The following HSD17B2 variants were observed in gnomAD, a reference collection of about 807,000 sequenced individuals.
The protein encoded by HSD17B2 is 17-beta-hydroxysteroid dehydrogenase type 2.
In HSD17B2, 32 loss-of-function variants were observed where a neutral mutation model predicts 26.9. The ratio of observed to expected loss-of-function variants is 1.19; its 90% CI spans 0.90 to 1.60. The LOEUF is 1.60. HSD17B2 is among the 40% of genes most tolerant of loss of function. HSD17B2 has a pLI of 0.00. For missense variants in HSD17B2, 613 were observed against 468.6 expected, an observed-to-expected ratio of 1.31 and a Z score of -2.85; for synonymous variants, 246 against 186.7, an observed-to-expected ratio of 1.32 and a Z score of -2.59.
At chr16:82,048,881 C>G (rs1914020406) in intron 1 of HSD17B2, among the ~76,000 whole-genome samples, 2 of 152,138 alleles carry the variant, frequency 1.3e-5, no homozygotes, top group African/African-American at 4.8e-5. Flanking sequence ...AATGAGCATG[C>G]CAAATGCTTA....
intron 3 of HSD17B2, among the ~76,000 whole-genome samples, chr16:82,080,570 A>G (rs547955594): frequency 2.6e-5 from 4 of 152,326 alleles, no homozygotes; most frequent in East Asian, 1.9e-4. Context: ...ATTTTATCAT[A>G]AGATAATAAA....
intron 3 of HSD17B2, among the ~76,000 whole-genome samples, chr16:82,079,078 C>A (rs1904322120): frequency 1.3e-5 from 2 of 152,280 alleles, no homozygotes; most frequent in South Asian, 4.1e-4. Flanking sequence ...GATGGAGACT[C>A]CATTTGCCCT....
Position 82,035,450 on chromosome 16 carries a change from C to G in HSD17B2, c.26C>G (p.Ala9Gly). Residue 9 changes from alanine (A) to glycine (G), a missense_variant, in exon 1 of 5, where the codon GCA (alanine) becomes GGA (glycine). Transcript: ENST00000199936. MSTFFSDT[A>G]WICLAVPTVL... ...ATGAGCACTTTCTTCTCGGACACAG[C>G]ATGGATCTGCCTGGCTGTCCCCACA... 1 of 1,613,398 alleles carries G rather than the reference C, an allele frequency of 6.2e-7. No homozygotes were observed. Among genetic ancestry groups the G allele is most frequent in the Non-Finnish European group, 8.5e-7 (1 of 1,179,730 alleles).
chr16:82,090,327 T>TTTTTTC (rs1904652546), intron 3 of HSD17B2: 1 of 345,568 alleles, frequency 2.9e-6, no homozygotes, highest in African/African-American at 2.6e-5. Context: ...TTTTTTTTTT[T>TTTTTTC]TTTTTTTTTG....
At chr16:82,047,635 G>A (rs7200711) in intron 1 of HSD17B2, among the ~76,000 whole-genome samples, 22,376 of 152,116 alleles carry the variant, frequency 0.15, 4,775 homozygotes, top group African/African-American at 0.47. Context: ...GAGTTGGAAG[G>A]GCAAGCAGCC....
chr16:82,065,333 C>G (rs903245567), intron 1 of HSD17B2, among the ~76,000 whole-genome samples: 2 of 152,112 alleles, frequency 1.3e-5, no homozygotes, highest in Non-Finnish European at 2.9e-5. Context: ...CAGCAGATAC[C>G]CTGATTGACT....
chr16:82,098,377 C>A lies in HSD17B2; in HGVS notation c.1105C>A (p.Gln369Lys). 3.7e-6 allele frequency: 6 copies of A among 1,613,966 alleles called. No homozygotes were observed. The highest frequency in any genetic ancestry group is 5.1e-6 in the Non-Finnish European group (6 of 1,179,926). ...YDYFAKRHFG[Q>K]DKPMPRALRM... ...TTACTTTGCTAAAAGACATTTTGGC[C>A]AAGACAAGCCCATGCCCAGAGCTCT... The change falls in exon 5 of 5, where the codon CAA becomes AAA. Residue 369 changes from glutamine (Q) to lysine (K), a missense_variant. Transcript: ENST00000199936.
At chr16:82,044,272 G>A (rs950653448) in intron 1 of HSD17B2, 2 of 152,366 alleles carry the variant, frequency 1.3e-5, no homozygotes, top group Non-Finnish European at 2.9e-5. Flanking sequence ...TTTGTTTGGT[G>A]GGGTCAGTCC....
At chr16:82,047,482 T>C (rs1399293380) in intron 1 of HSD17B2, among the ~76,000 whole-genome samples, 1 of 152,238 alleles carries the variant, frequency 6.6e-6, no homozygotes, top group Non-Finnish European at 1.5e-5. Flanking sequence ...TATGCGTTCA[T>C]GACATTGAAT....
intron 3 of HSD17B2, among the ~76,000 whole-genome samples, chr16:82,085,381 A>G (rs1204662886): frequency 6.6e-6 from 1 of 152,194 alleles, no homozygotes; most frequent in Non-Finnish European, 1.5e-5. Context: ...TTACATGCCT[A>G]TAGTCAATTC....
At chr16:82,069,376 T>C (rs1165421315) in intron 2 of HSD17B2, among the ~76,000 whole-genome samples, 1 of 152,228 alleles carries the variant, frequency 6.6e-6, no homozygotes, top group Non-Finnish European at 1.5e-5. Flanking sequence ...AACGAATCTA[T>C]GTGTGAATGT....
rs141426965 is a variant in HSD17B2 at position 82,079,568 on chromosome 16, G to A, written c.664+8441G>A. ...TGCAGTCACGTTCCAAGATACTGGA[G>A]GTTAGTACTGCCACATACAAACTTT... is the stretch of plus-strand genomic sequence containing the variant. On this transcript the variant is annotated intron_variant, in intron 3 of 4. Coordinates refer to ENST00000199936, the MANE Select transcript of HSD17B2 (RefSeq NM_002153.3). 4.8e-3 allele frequency among the ~76,000 whole-genome samples: 738 copies of A among 152,268 alleles called. 2 individuals carry two copies. The highest frequency in any genetic ancestry group is 0.024 in the Middle Eastern group (7 of 294).
chr16:82,076,909 C>T (rs771958474), intron 3 of HSD17B2, among the ~76,000 whole-genome samples: 1 of 152,138 alleles, frequency 6.6e-6, no homozygotes, highest in Non-Finnish European at 1.5e-5. Flanking sequence ...AAAGTAATCT[C>T]ATTTACAATA....
intron 1 of HSD17B2, among the ~76,000 whole-genome samples, chr16:82,064,669 G>C (rs1567585262): frequency 6.6e-6 from 1 of 152,204 alleles, no homozygotes; most frequent in Non-Finnish European, 1.5e-5. Flanking sequence ...AGAAAGAAGA[G>C]GGATTATTAG....
intron 1 of HSD17B2, among the ~76,000 whole-genome samples, chr16:82,048,701 T>A (rs934400600): frequency 6.6e-6 from 1 of 152,220 alleles, no homozygotes; most frequent in Non-Finnish European, 1.5e-5. Flanking sequence ...ACATCGCAGC[T>A]TTTGTTCTAG....
chr16:82,069,880 C>T (rs535282332), intron 2 of HSD17B2, among the ~76,000 whole-genome samples: 10 of 152,190 alleles, frequency 6.6e-5, no homozygotes, highest in African/African-American at 1.9e-4. Context: ...AAGCACCAGG[C>T]CCTGTGTGAC....
At chr16:82,043,684 C>CAAA (rs398030034) in intron 1 of HSD17B2, among the ~76,000 whole-genome samples, 724 of 22,538 alleles carry the variant, frequency 0.032, 106 homozygotes, top group Non-Finnish European at 0.039. Flanking sequence ...AACTCTGTCT[C>CAAA]AAAAAAAAAA....
At chr16:82,080,799 T>C (rs1323601790) in intron 3 of HSD17B2, among the ~76,000 whole-genome samples, 2 of 152,212 alleles carry the variant, frequency 1.3e-5, no homozygotes, top group Non-Finnish European at 2.9e-5. Flanking sequence ...CCTCATTCTT[T>C]ACACCATGTT....
At chr16:82,064,287 T>G (rs1253980555) in intron 1 of HSD17B2, among the ~76,000 whole-genome samples, 1 of 152,252 alleles carries the variant, frequency 6.6e-6, no homozygotes, top group African/African-American at 2.4e-5. Flanking sequence ...CACGCTGGCT[T>G]CTTTCACTCA....
Sources: allele counts gnomAD v4.1 joint callset (sites outside exome capture counted in the v4.1 genomes callset), GRCh38; gene constraint gnomAD v4.1.1; transcripts MANE v1.5; gene names NCBI Gene and HGNC (gene_info 2026-07-23, HGNC 2026-07-21).